FAM171A1: variants seen among roughly 807,000 people sequenced by gnomAD.
The protein encoded by FAM171A1 is family with sequence similarity 171 member A1.
In FAM171A1, 23 loss-of-function variants were observed where a neutral mutation model predicts 74.9. The observed-to-expected ratio is 0.31, with a 90% CI of 0.22 to 0.44. The LOEUF is 0.44. FAM171A1 is among the 20% of genes least tolerant of loss of function. The pLI, the probability that FAM171A1 is intolerant of heterozygous loss-of-function variation, is 1.00. For synonymous variants in FAM171A1, 527 were observed against 505.7 expected (o/e 1.04, Z -0.57); for missense variants, 1,162 against 1,159.2 (o/e 1.00, Z -0.03).
chr10:15,229,081 C>G (rs911596512), intron 5 of FAM171A1, among the ~76,000 whole-genome samples: 1 of 152,194 alleles, frequency 6.6e-6, no homozygotes, highest in Non-Finnish European at 1.5e-5. Context: ...ACTCAGAAAT[C>G]CCATTGCCAA....
chr10:15,242,432 A>G (rs1164474734), intron 5 of FAM171A1, among the ~76,000 whole-genome samples: 4 of 152,208 alleles, frequency 2.6e-5, no homozygotes, highest in Non-Finnish European at 4.4e-5. Context: ...TTCTGCATAC[A>G]TGCAATCTGT....
At position 15,284,006 on chromosome 10, in the gene FAM171A1, C is replaced by T; in HGVS notation, c.197G>A (p.Gly66Asp). The change falls in exon 2 of 8, where the codon GGC becomes GAC. Residue 66 changes from glycine (G) to aspartate (D), a missense_variant. Physicochemically the swap from Gly to Asp is moderately conservative, Grantham distance 94 (BLOSUM62 -1). Transcript: ENST00000378116. The stretch of plus-strand genomic sequence containing the variant: ...GGCGACGCCATCAGTCCCCGAGGTG[C>T]CAGAGGCTATGGAGGCCTGGTTGGT... ...IFTNQASIAS[G>D]TSGTDGVAFI... 2 of 1,614,166 alleles carry T rather than the reference C, an allele frequency of 1.2e-6. No homozygotes were observed. The highest frequency in any genetic ancestry group is 8.5e-7 in the Non-Finnish European group (1 of 1,180,024).
intron 1 of FAM171A1, among the ~76,000 whole-genome samples, chr10:15,337,367 C>A (rs1835713210): frequency 6.6e-6 from 1 of 152,166 alleles, no homozygotes; most frequent in African/African-American, 2.4e-5. Flanking sequence ...GTGGCTTAAG[C>A]TGAAAAGATA....
chr10:15,365,870 T>C (rs1836055173), intron 1 of FAM171A1, among the ~76,000 whole-genome samples: 1 of 152,082 alleles, frequency 6.6e-6, no homozygotes, highest in Non-Finnish European at 1.5e-5. Context: ...AGCTGGCGAA[T>C]GAAACAGAGG....
chr10:15,239,005 A>C (rs1451279485), intron 5 of FAM171A1, among the ~76,000 whole-genome samples: 1 of 152,208 alleles, frequency 6.6e-6, no homozygotes, highest in East Asian at 1.9e-4. Flanking sequence ...CATCGCTTTA[A>C]ATTCAAACCA....
intron 5 of FAM171A1, among the ~76,000 whole-genome samples, chr10:15,229,088 C>T (rs1457240843): frequency 6.6e-6 from 1 of 152,158 alleles, no homozygotes; most frequent in Non-Finnish European, 1.5e-5. Flanking sequence ...AATCCCATTG[C>T]CAAAAGTTCT....
intron 1 of FAM171A1, among the ~76,000 whole-genome samples, chr10:15,312,972 G>C (rs914284649): frequency 1.3e-5 from 2 of 152,018 alleles, no homozygotes; most frequent in Admixed American, 1.3e-4. Context: ...TGGGATTACA[G>C]GGGTGAGCCA....
At chr10:15,231,579 C>T (rs1484657850) in intron 5 of FAM171A1, among the ~76,000 whole-genome samples, 2 of 152,020 alleles carry the variant, frequency 1.3e-5, no homozygotes, top group East Asian at 3.9e-4. Context: ...GTAGCAACGC[C>T]TCTCTAAATT....
chr10:15,331,040 C>T (rs1214589521), intron 1 of FAM171A1, among the ~76,000 whole-genome samples: 1 of 152,116 alleles, frequency 6.6e-6, no homozygotes, highest in Admixed American at 6.6e-5. Flanking sequence ...CAGGCGCACG[C>T]CACCACGCCT....
At chr10:15,329,276 G>A (rs1333342323) in intron 1 of FAM171A1, among the ~76,000 whole-genome samples, 2 of 152,232 alleles carry the variant, frequency 1.3e-5, no homozygotes, top group Admixed American at 6.5e-5. Context: ...GATGTAGGCT[G>A]CAGGGAAACC....
chr10:15,317,632 A>G (rs994381151), intron 1 of FAM171A1, among the ~76,000 whole-genome samples: 1 of 152,096 alleles, frequency 6.6e-6, no homozygotes, highest in Non-Finnish European at 1.5e-5. Context: ...TGACCTTGTG[A>G]TCTGCCTGCC....
intron 2 of FAM171A1, among the ~76,000 whole-genome samples, chr10:15,276,877 G>A (rs1834902006): frequency 6.6e-6 from 1 of 151,962 alleles, no homozygotes; most frequent in South Asian, 2.1e-4. Context: ...GTAGAGACAG[G>A]GTCTCCATAT....
chr10:15,275,824 C>T (rs1271712832), intron 3 of FAM171A1, 31 bp downstream of exon 3: 12 of 1,409,202 alleles, frequency 8.5e-6, no homozygotes, highest in Non-Finnish European at 1.1e-5. Flanking sequence ...TCAAAAATAA[C>T]AATAAAAACT....
intron 1 of FAM171A1, among the ~76,000 whole-genome samples, chr10:15,346,947 G>T (rs1038244618): frequency 1.3e-5 from 2 of 152,138 alleles, no homozygotes; most frequent in African/African-American, 2.4e-5. Context: ...CAGAGGGAGG[G>T]GTAGCTGGCA....
intron 1 of FAM171A1, among the ~76,000 whole-genome samples, chr10:15,304,798 G>T (rs539730690): frequency 6.6e-6 from 1 of 152,084 alleles, no homozygotes; most frequent in Non-Finnish European, 1.5e-5. Flanking sequence ...GTGCACTGGC[G>T]CAATCTTGGC....
intron 1 of FAM171A1, among the ~76,000 whole-genome samples, chr10:15,347,146 A>G (rs1182084659): frequency 6.6e-6 from 1 of 152,194 alleles, no homozygotes; most frequent in Admixed American, 6.5e-5. Flanking sequence ...CTTTAAATGA[A>G]CCCCAAAGAG....
intron 1 of FAM171A1, among the ~76,000 whole-genome samples, chr10:15,333,696 G>C (rs1159639638): frequency 2.0e-5 from 3 of 151,966 alleles, no homozygotes; most frequent in South Asian, 2.1e-4. Context: ...GCTGGGTGTG[G>C]TGGCATAGGC....
At chr10:15,348,583 T>C (rs1195699007) in intron 1 of FAM171A1, among the ~76,000 whole-genome samples, 1 of 152,218 alleles carries the variant, frequency 6.6e-6, no homozygotes, top group African/African-American at 2.4e-5. Context: ...TGCCCCTCTC[T>C]GTTCCTAACC....
intron 5 of FAM171A1, among the ~76,000 whole-genome samples, chr10:15,233,794 C>T (rs564396946): frequency 2.0e-5 from 3 of 151,412 alleles, no homozygotes; most frequent in South Asian, 2.1e-4. Flanking sequence ...CCCAGCTATT[C>T]GGGAGGCTGA....
Sources: gnomAD v4.1 joint callset for allele counts (sites outside exome capture counted in the v4.1 genomes callset) on GRCh38, gnomAD v4.1.1 for gene constraint, MANE v1.5 for transcripts, NCBI Gene and HGNC (gene_info 2026-07-23, HGNC 2026-07-21) for gene names.